Variants in CREB5 observed in about 807,000 individuals in gnomAD.
The protein encoded by CREB5 is cyclic AMP-responsive element-binding protein 5.
A neutral mutation model predicts 57.1 loss-of-function variants in CREB5; 19 were observed. That is an observed-to-expected ratio of 0.33 (90% CI 0.23 to 0.49). CREB5 has a LOEUF of 0.49. Ranked by LOEUF, CREB5 falls within the 20% of genes least tolerant of loss-of-function variation. The probability of loss-of-function intolerance (pLI) is 0.99; values close to 1 mark genes in which losing one functional copy is unlikely to be tolerated. For synonymous variants in CREB5, 238 were observed against 238.3 expected (o/e 1.00, Z 0.01); for missense variants, 579 against 671.6 (o/e 0.86, Z 1.52).
At chr7:28,711,434 T>C (rs1802393846) in intron 5 of CREB5, among the ~76,000 whole-genome samples, 2 of 152,352 alleles carry the variant, frequency 1.3e-5, no homozygotes, top group Non-Finnish European at 2.9e-5. Context: ...TTGTGTCATT[T>C]GTTAAAAGGG....
chr7:28,794,816 C>A (rs1454206872), intron 7 of CREB5, among the ~76,000 whole-genome samples: 1 of 152,200 alleles, frequency 6.6e-6, no homozygotes, highest in East Asian at 1.9e-4. Context: ...TGGATCAATT[C>A]ATCAGATTTT....
chr7:28,772,596 A>C (rs1459728860), intron 7 of CREB5, among the ~76,000 whole-genome samples: 1 of 152,238 alleles, frequency 6.6e-6, no homozygotes, highest in East Asian at 1.9e-4. Flanking sequence ...GTAACAAAGG[A>C]AACACAGGAA....
chr7:28,808,469 G>T (rs1486192995), intron 8 of CREB5, among the ~76,000 whole-genome samples: 2 of 152,326 alleles, frequency 1.3e-5, no homozygotes, highest in Non-Finnish European at 2.9e-5. Context: ...CATCCATATT[G>T]TGATAATAAC....
chr7:28,492,192 G>A (rs992298699), intron 2 of CREB5, among the ~76,000 whole-genome samples: 3 of 152,156 alleles, frequency 2.0e-5, no homozygotes, highest in African/African-American at 7.2e-5. Context: ...TAGAAATGGG[G>A]TTTTGCCATG....
At chr7:28,411,641 A>T (rs1021208735), upstream of CREB5, among the ~76,000 whole-genome samples, 1 of 152,062 alleles carries the variant, frequency 6.6e-6, no homozygotes, top group African/African-American at 2.4e-5. Context: ...ATAGAGGGAG[A>T]GAGGGGATTG....
chr7:28,372,743 C>T (rs1192944931), intron 1 of CREB5, among the ~76,000 whole-genome samples: 1 of 152,134 alleles, frequency 6.6e-6, no homozygotes, highest in Non-Finnish European at 1.5e-5. Context: ...TAATTCTTTT[C>T]AGCTTTTTCT....
chr7:28,359,863 A>G (rs1038796943), intron 1 of CREB5, among the ~76,000 whole-genome samples: 1 of 152,238 alleles, frequency 6.6e-6, no homozygotes, highest in Non-Finnish European at 1.5e-5. Flanking sequence ...AAGGAACTCA[A>G]ACAACTCAAT....
At chr7:28,719,962 A>T (rs1802926803) in intron 6 of CREB5, among the ~76,000 whole-genome samples, 1 of 152,206 alleles carries the variant, frequency 6.6e-6, no homozygotes, top group South Asian at 2.1e-4. Flanking sequence ...CAGGAAGCTG[A>T]GGCAGGAGAA....
chr7:28,449,134 T>C (rs1430095649), intron 1 of CREB5, among the ~76,000 whole-genome samples: 1 of 152,242 alleles, frequency 6.6e-6, no homozygotes, highest in Non-Finnish European at 1.5e-5. Context: ...GTATATCATA[T>C]GCCAAAGAAC....
intron 5 of CREB5, among the ~76,000 whole-genome samples, chr7:28,629,749 TATTAA>T (rs892480449): frequency 1.3e-5 from 2 of 152,220 alleles, no homozygotes; most frequent in Admixed American, 6.5e-5. Flanking sequence ...GGATGGCATC[TATTAA>T]ATTGTAAAAG....
intron 4 of CREB5, among the ~76,000 whole-genome samples, chr7:28,560,959 T>C (rs13245603): frequency 0.36 from 11,488 of 31,844 alleles, 2,793 homozygotes; most frequent in East Asian, 0.63. Context: ...TGCGTGTGTG[T>C]GCGTGTGTGT....
rs1054369238 is a variant in CREB5, at chr7:28,585,972, C to T, written c.464+15435C>T. Among the ~76,000 whole-genome samples, 6 of 152,276 alleles carry T rather than the reference C, an allele frequency of 3.9e-5. No homozygotes were observed. The East Asian group carries it at 1.2e-3, about 29-fold the overall frequency. On this transcript the variant is annotated intron_variant, in intron 5 of 10. Transcript: ENST00000357727. ...TAAAGGGCCCCTTTGGCTGCATAAC[C>T]TCCCTATTTGTTTGAATTCTCCTAT...
intron 7 of CREB5, among the ~76,000 whole-genome samples, chr7:28,736,854 C>T (rs1239709918): frequency 2.7e-5 from 4 of 147,712 alleles, no homozygotes; most frequent in Middle Eastern, 3.4e-3. Context: ...CAGTAGGCCC[C>T]TGATGTTCCT....
At chr7:28,372,363 G>A (rs73088530) in intron 1 of CREB5, among the ~76,000 whole-genome samples, 1 of 152,046 alleles carries the variant, frequency 6.6e-6, no homozygotes, top group Non-Finnish European at 1.5e-5. Flanking sequence ...GAGACGTCCT[G>A]GTAATTTTAA....
chr7:28,395,641 G>A (rs113260797), intron 1 of CREB5, among the ~76,000 whole-genome samples: 6 of 152,252 alleles, frequency 3.9e-5, no homozygotes, highest in African/African-American at 1.4e-4. Flanking sequence ...AGTGGGATAT[G>A]CTCCAATTAC....
intron 4 of CREB5, among the ~76,000 whole-genome samples, chr7:28,533,379 C>T (rs989737170): frequency 2.6e-5 from 4 of 152,114 alleles, no homozygotes; most frequent in African/African-American, 7.2e-5. Flanking sequence ...ATGGCGAGAC[C>T]GCATAACTTG....
chr7:28,479,523 C>A (rs1791234390), intron 1 of CREB5, among the ~76,000 whole-genome samples: 1 of 152,148 alleles, frequency 6.6e-6, no homozygotes, highest in South Asian at 2.1e-4. Flanking sequence ...TTAACATGGC[C>A]TTTAAGTGAC....
intron 7 of CREB5, among the ~76,000 whole-genome samples, chr7:28,785,698 C>A (rs1807282667): frequency 6.6e-6 from 1 of 152,168 alleles, no homozygotes; most frequent in Non-Finnish European, 1.5e-5. Flanking sequence ...CCTGGCTGTG[C>A]TAGGCCCCTC....
chr7:28,725,632 A>G (rs577448533), intron 7 of CREB5, among the ~76,000 whole-genome samples: 1 of 149,378 alleles, frequency 6.7e-6, no homozygotes, highest in South Asian at 2.1e-4. Context: ...AAGTAATGCC[A>G]TATATCTTTT....
Sources: allele counts gnomAD v4.1 joint callset (sites outside exome capture counted in the v4.1 genomes callset), GRCh38; gene constraint gnomAD v4.1.1; transcripts MANE v1.5; gene names NCBI Gene and HGNC (gene_info 2026-07-23, HGNC 2026-07-21).